AGBL1: variants seen among roughly 807,000 people sequenced by gnomAD.
AGBL1 encodes the protein cytosolic carboxypeptidase 4.
AGBL1 carries 130 observed loss-of-function variants against 118.9 expected under a neutral mutation model. The ratio of observed to expected loss-of-function variants is 1.09; its 90% CI spans 0.95 to 1.26. The LOEUF (loss-of-function observed/expected upper bound fraction) is 1.26. Among genes scored for constraint, AGBL1 ranks in the 50% most tolerant of loss-of-function variants. The pLI is 0.00. For missense variants in AGBL1, 1,584 were observed against 1,298.1 expected, an observed-to-expected ratio of 1.22 and a Z score of -3.38; for synonymous variants, 555 against 478.9, an observed-to-expected ratio of 1.16 and a Z score of -2.08.
At chr15:86,623,728 G>T (rs2084845759) in intron 21 of AGBL1, among the ~76,000 whole-genome samples, 1 of 152,160 alleles carries the variant, frequency 6.6e-6, no homozygotes, top group African/African-American at 2.4e-5. Flanking sequence ...AAATAATTTT[G>T]CAATAATTCG....
chr15:86,315,806 ATTT>A, intron 17 of AGBL1, among the ~76,000 whole-genome samples: 1 of 151,758 alleles, frequency 6.6e-6, no homozygotes, highest in South Asian at 2.1e-4. Flanking sequence ...CCTTCCTTTT[ATTT>A]CACACGGGAA....
At chr15:86,925,923 G>T (rs1295945592) in intron 23 of AGBL1, among the ~76,000 whole-genome samples, 1 of 151,358 alleles carries the variant, frequency 6.6e-6, no homozygotes, top group Non-Finnish European at 1.5e-5. Flanking sequence ...ATAGAGACGG[G>T]GTTTCACTGT....
chr15:86,416,338 C>T (rs117429611), intron 18 of AGBL1, among the ~76,000 whole-genome samples: 3 of 152,184 alleles, frequency 2.0e-5, no homozygotes, highest in East Asian at 1.9e-4. Flanking sequence ...TTTGTAAATG[C>T]GGTGTTAAAT....
At position 86,601,899 on chromosome 15, in the gene AGBL1, T is replaced by C. The variant is rs571142727; in HGVS notation, c.2994+47362T>C. Among the ~76,000 whole-genome samples, 5 of 152,308 alleles carry C rather than the reference T, an allele frequency of 3.3e-5. No individual in the cohort carries two copies. The South Asian group carries it at 1.0e-3, about 32-fold the overall frequency. ...AAAGTCACATAGCTGCTTAATAAAT[T>C]GTTTGAGGCCAGATCCCAGGGCTCT... On this transcript the variant is annotated intron_variant, in intron 21 of 22. Coordinates refer to ENST00000614907, the MANE Select transcript of AGBL1 (RefSeq NM_001386094.1).
At chr15:86,499,018 C>G (rs183375067) in intron 18 of AGBL1, among the ~76,000 whole-genome samples, 1 of 151,848 alleles carries the variant, frequency 6.6e-6, no homozygotes, top group Admixed American at 6.6e-5. Flanking sequence ...TGCTAGACCA[C>G]CTGCCCATGA....
At chr15:86,211,050 A>G (rs776454698) in intron 5 of AGBL1, among the ~76,000 whole-genome samples, 7 of 152,052 alleles carry the variant, frequency 4.6e-5, no homozygotes, top group Non-Finnish European at 1.0e-4. Flanking sequence ...TCTGTTTGTT[A>G]GTTTTCCTTC....
intron 22 of AGBL1, among the ~76,000 whole-genome samples, chr15:86,809,668 C>T (rs2078762420): frequency 6.6e-6 from 1 of 152,140 alleles, no homozygotes; most frequent in Non-Finnish European, 1.5e-5. Flanking sequence ...AAGAATGTGT[C>T]AAGTTGGGGA....
At chr15:86,819,339 A>G (rs537586379) in intron 22 of AGBL1, among the ~76,000 whole-genome samples, 99 of 152,246 alleles carry the variant, frequency 6.5e-4, no homozygotes, top group African/African-American at 2.4e-3. Flanking sequence ...AGTGATTACT[A>G]TGTTCCAGAT....
chr15:86,169,389 G>A (rs968955218), intron 5 of AGBL1, among the ~76,000 whole-genome samples: 1 of 152,172 alleles, frequency 6.6e-6, no homozygotes, highest in African/African-American at 2.4e-5. Flanking sequence ...AGTAGTACTT[G>A]GTTCTGAAAG....
intron 17 of AGBL1, among the ~76,000 whole-genome samples, chr15:86,346,552 T>C (rs1381524817): frequency 1.3e-5 from 2 of 151,248 alleles, no homozygotes; most frequent in African/African-American, 2.4e-5. Flanking sequence ...GGTTTCACCA[T>C]GTTAGCCAGG....
At chr15:86,652,249 A>G (rs1468996802) in intron 21 of AGBL1, among the ~76,000 whole-genome samples, 1 of 152,134 alleles carries the variant, frequency 6.6e-6, no homozygotes, top group Admixed American at 6.6e-5. Flanking sequence ...CTCAAGCATC[A>G]TAGGGAGCTT....
At chr15:86,957,935 C>T (rs1001207213) in intron 23 of AGBL1, among the ~76,000 whole-genome samples, 10 of 152,044 alleles carry the variant, frequency 6.6e-5, no homozygotes, top group African/African-American at 2.2e-4. Context: ...GGCACGGTGG[C>T]TCACACCTAT....
At chr15:86,340,591 G>A (rs759432078) in intron 17 of AGBL1, among the ~76,000 whole-genome samples, 2 of 152,160 alleles carry the variant, frequency 1.3e-5, no homozygotes, top group Non-Finnish European at 2.9e-5. Context: ...CTTCAGAATG[G>A]GTGTGGCCCT....
At chr15:86,990,108 G>C (rs889025710) in intron 24 of AGBL1, among the ~76,000 whole-genome samples, 1 of 152,164 alleles carries the variant, frequency 6.6e-6, no homozygotes, top group East Asian at 1.9e-4. Flanking sequence ...AGGATCCTCT[G>C]GCTTATTTGT....
chr15:86,958,624 A>C (rs1387047808), intron 23 of AGBL1, among the ~76,000 whole-genome samples: 1 of 152,178 alleles, frequency 6.6e-6, no homozygotes, highest in Non-Finnish European at 1.5e-5. Context: ...TGATTAAAAA[A>C]CTAAATGTAA....
At chr15:86,873,694 A>G (rs1188580861) in intron 22 of AGBL1, among the ~76,000 whole-genome samples, 1 of 152,158 alleles carries the variant, frequency 6.6e-6, no homozygotes, top group East Asian at 1.9e-4. Flanking sequence ...CAAACACCAC[A>G]TCTTATCTTG....
chr15:86,478,453 G>A (rs1028993139), intron 18 of AGBL1, among the ~76,000 whole-genome samples: 3 of 152,062 alleles, frequency 2.0e-5, no homozygotes, highest in African/African-American at 4.8e-5. Context: ...AAAACGGAGA[G>A]GCAAATCATG....
intron 17 of AGBL1, among the ~76,000 whole-genome samples, chr15:86,352,718 G>A (rs2080647412): frequency 6.6e-6 from 1 of 152,106 alleles, no homozygotes; most frequent in Non-Finnish European, 1.5e-5. Context: ...TTGACCTCAA[G>A]TGATTCACTT....
chr15:86,274,304 G>A (rs933389817), intron 15 of AGBL1, among the ~76,000 whole-genome samples: 37 of 152,024 alleles, frequency 2.4e-4, no homozygotes, highest in Non-Finnish European at 1.5e-4. Flanking sequence ...TTCTAGATCT[G>A]ATTAGATTAT....
Sources: gnomAD v4.1 joint callset for allele counts (sites outside exome capture counted in the v4.1 genomes callset) on GRCh38, gnomAD v4.1.1 for gene constraint, MANE v1.5 for transcripts, NCBI Gene and HGNC (gene_info 2026-07-23, HGNC 2026-07-21) for gene names.